Variants in SLC30A8 observed in about 807,000 individuals in gnomAD.
SLC30A8 encodes proton-coupled zinc antiporter SLC30A8.
Under a neutral mutation model 36.9 loss-of-function variants are expected in SLC30A8, and 27 were observed. The ratio of observed to expected loss-of-function variants is 0.73; its 90% CI spans 0.54 to 1.01. The LOEUF is 1.01. SLC30A8 is among the 50% of genes least tolerant of loss of function. The pLI is 0.00. For missense variants in SLC30A8, 439 were observed against 452.0 expected (o/e 0.97, Z 0.26); for synonymous variants, 164 against 172.4 (o/e 0.95, Z 0.38).
In SLC30A8 at chr8:117,147,167, C is replaced by G. The variant is rs774338536; in HGVS notation, c.271+14C>G. 3.7e-6 allele frequency: 6 copies of G among 1,610,970 alleles called. No individual in the cohort carries two copies. The highest frequency in any genetic ancestry group is 5.1e-6 in the Non-Finnish European group (6 of 1,178,296). On this transcript the variant is annotated intron_variant, in intron 2 of 7. Transcript: ENST00000456015. ...CAGAGGTCGTGGGTGAGTCTTTCTG[C>G]AGACTTTTTTCATTAAACAACCAAA...
At chr8:117,089,368 T>A (rs2130826389) in intron 2 of SLC30A8, among the ~76,000 whole-genome samples, 1 of 152,296 alleles carries the variant, frequency 6.6e-6, no homozygotes, top group Non-Finnish European at 1.5e-5. Context: ...ATTTTGCATC[T>A]CCCATCTCCC....
At chr8:117,010,512 G>C (rs1346122926) in intron 1 of SLC30A8, among the ~76,000 whole-genome samples, 2 of 152,276 alleles carry the variant, frequency 1.3e-5, no homozygotes, top group East Asian at 1.9e-4. Context: ...TTTAGGCAAC[G>C]GTCGAAAAGC....
intron 3 of SLC30A8, among the ~76,000 whole-genome samples, chr8:117,156,634 C>A (rs1488742689): frequency 6.6e-6 from 1 of 152,186 alleles, no homozygotes; most frequent in Admixed American, 6.5e-5. Flanking sequence ...AATAATTACA[C>A]ATCCTGATGC....
intron 2 of SLC30A8, among the ~76,000 whole-genome samples, chr8:117,115,340 T>C (rs1192198997): frequency 6.6e-6 from 1 of 152,082 alleles, no homozygotes; most frequent in Non-Finnish European, 1.5e-5. Flanking sequence ...TTGCCCAGCA[T>C]CATCCCTGTC....
chr8:117,103,598 C>T (rs949266841), intron 2 of SLC30A8, among the ~76,000 whole-genome samples: 4 of 152,180 alleles, frequency 2.6e-5, no homozygotes, highest in African/African-American at 9.7e-5. Context: ...CCTCACCTTC[C>T]CAAGTAGCTG....
chr8:117,168,178 A>G (rs1393925881), intron 6 of SLC30A8, among the ~76,000 whole-genome samples: 4 of 152,220 alleles, frequency 2.6e-5, no homozygotes, highest in African/African-American at 7.2e-5. Context: ...TTGGGTGGGG[A>G]CACAGCCAAA....
rs914377814 is a variant in SLC30A8 at position 117,051,629 on chromosome 8, C to G, written c.-226+12371C>G. ...GAGATCGAGACCATCCTGGCTAACA[C>G]GGTGAAACCCCATCTCTACTAAAAA... is the stretch of plus-strand genomic sequence containing the variant. On this transcript the variant is annotated intron_variant, in intron 2 of 10. Transcript: ENST00000427715. 5.9e-5 allele frequency among the ~76,000 whole-genome samples: 9 copies of G among 151,964 alleles called. 1 individual carries two copies. The South Asian group carries it at 1.7e-3, about 28-fold the overall frequency.
intron 1 of SLC30A8, among the ~76,000 whole-genome samples, chr8:117,001,337 G>A (rs968691513): frequency 2.0e-5 from 3 of 150,338 alleles, no homozygotes; most frequent in African/African-American, 7.3e-5. Flanking sequence ...TATCACGCAA[G>A]GCAGACTGTG....
intron 1 of SLC30A8, among the ~76,000 whole-genome samples, chr8:117,022,990 T>C (rs1270008586): frequency 6.6e-6 from 1 of 152,196 alleles, no homozygotes; most frequent in African/African-American, 2.4e-5. Context: ...GACAAAGGGC[T>C]AATATCCAGA....
At chr8:117,002,793 C>T (rs563068307) in intron 1 of SLC30A8, among the ~76,000 whole-genome samples, 83 of 152,074 alleles carry the variant, frequency 5.5e-4, no homozygotes, top group African/African-American at 1.9e-3. Context: ...TTACTAGAGA[C>T]GGGGTTTCAC....
intron 2 of SLC30A8, among the ~76,000 whole-genome samples, chr8:117,068,184 G>A (rs893121812): frequency 7.2e-5 from 11 of 152,106 alleles, no homozygotes; most frequent in Admixed American, 1.3e-4. Flanking sequence ...CCCATTAAGA[G>A]GAGGCACTGC....
In SLC30A8 at chr8:117,102,094, A is replaced by T. The variant is rs7825155; in HGVS notation, c.-225-33186A>T. ...AGATTCCAACTTGTTCGGTTTTTTT[A>T]AAAAATCATATTGATGTTTTTGAAA... On this transcript the variant is annotated intron_variant, in intron 2 of 10. Transcript: ENST00000427715. 3.3e-5 allele frequency among the ~76,000 whole-genome samples: 5 copies of T among 152,078 alleles called. No individual in the cohort carries two copies. The South Asian group carries it at 6.2e-4, about 19-fold the overall frequency.
At chr8:117,090,093 C>T (rs1358231425) in intron 2 of SLC30A8, among the ~76,000 whole-genome samples, 1 of 152,076 alleles carries the variant, frequency 6.6e-6, no homozygotes, top group Non-Finnish European at 1.5e-5. Context: ...CTGCCTCAGC[C>T]TCCCAAGCTA....
chr8:117,018,502 C>T (rs1816593301), intron 1 of SLC30A8, among the ~76,000 whole-genome samples: 1 of 152,048 alleles, frequency 6.6e-6, no homozygotes, highest in African/African-American at 2.4e-5. Flanking sequence ...AGGGGGTTGG[C>T]GCCACCATGT....
chr8:117,146,563 C>T (rs1821902344), intron 1 of SLC30A8, among the ~76,000 whole-genome samples: 1 of 152,146 alleles, frequency 6.6e-6, no homozygotes, highest in African/African-American at 2.4e-5. Flanking sequence ...CTCTTATACA[C>T]ATATCGTAAT....
At chr8:117,079,485 G>A (rs73315641) in intron 2 of SLC30A8, among the ~76,000 whole-genome samples, 19,672 of 152,002 alleles carry the variant, frequency 0.13, 2,359 homozygotes, top group African/African-American at 0.32. Context: ...TAGCAGTGAC[G>A]TTTGATTATT....
intron 1 of SLC30A8, among the ~76,000 whole-genome samples, chr8:117,013,098 C>T (rs1483437948): frequency 6.6e-6 from 1 of 152,212 alleles, no homozygotes; most frequent in Non-Finnish European, 1.5e-5. Context: ...AGAGGTATAG[C>T]TTTGAGAATT....
intron 2 of SLC30A8, among the ~76,000 whole-genome samples, chr8:117,078,030 A>G (rs902092377): frequency 6.6e-5 from 10 of 152,214 alleles, no homozygotes; most frequent in African/African-American, 2.4e-4. Flanking sequence ...TTTTAGAGAA[A>G]TGTCAGGAAT....
chr8:117,072,324 T>C (rs1818357330), intron 2 of SLC30A8, among the ~76,000 whole-genome samples: 1 of 152,232 alleles, frequency 6.6e-6, no homozygotes, highest in South Asian at 2.1e-4. Context: ...TTCAAGTATA[T>C]ATCCATAAAA....
Sources: gnomAD v4.1 joint callset for allele counts (sites outside exome capture counted in the v4.1 genomes callset) on GRCh38, gnomAD v4.1.1 for gene constraint, MANE v1.5 for transcripts, NCBI Gene and HGNC (gene_info 2026-07-23, HGNC 2026-07-21) for gene names.